RPTOR: variants seen among roughly 807,000 people sequenced by gnomAD.
RPTOR encodes the protein regulatory-associated protein of mTOR.
RPTOR carries 21 observed loss-of-function variants against 169.9 expected under a neutral mutation model. The ratio of observed to expected loss-of-function variants is 0.12; its 90% CI spans 0.09 to 0.18. The LOEUF (loss-of-function observed/expected upper bound fraction) is 0.18, where lower values mean the gene tolerates loss of function less well. Among genes scored for constraint, RPTOR ranks in the 10% least tolerant of loss-of-function variants. RPTOR has a pLI of 1.00. For synonymous variants in RPTOR, 732 were observed against 753.2 expected, an observed-to-expected ratio of 0.97 and a Z score of 0.46; for missense variants, 1,133 against 1,855.9, an observed-to-expected ratio of 0.61 and a Z score of 7.16.
At chr17:80,597,942 C>A (rs1171567567) in intron 1 of RPTOR, among the ~76,000 whole-genome samples, 2 of 152,026 alleles carry the variant, frequency 1.3e-5, no homozygotes, top group Non-Finnish European at 2.9e-5. Context: ...CAGTTCAAGA[C>A]CAGCCTGGGC....
rs372361327 is a variant in RPTOR, at chr17:80,689,149, A to C, written c.349-18692A>C. ...GGAGTATGTCTGTGCAGCATTCTTA[A>C]AGTGACAGGACTACCTTATGAAGTC... On this transcript the variant is annotated intron_variant, in intron 3 of 33. Transcript: ENST00000306801. Among the ~76,000 whole-genome samples, 21 of 152,342 alleles carry C rather than the reference A, an allele frequency of 1.4e-4. No individual in the cohort carries two copies. The East Asian group carries it at 3.9e-3, about 28-fold the overall frequency.
Position 80,896,108 on chromosome 17 carries a change from T to C in RPTOR, c.2401+2243T>C, listed in dbSNP as rs2068395437. Among the ~76,000 whole-genome samples, 5 of 152,308 alleles carry C rather than the reference T, an allele frequency of 3.3e-5. No homozygotes were observed. The South Asian group carries it at 1.0e-3, about 32-fold the overall frequency. On this transcript the variant is annotated intron_variant, in intron 20 of 33. Transcript: ENST00000306801. ...GTCCTAAACATATTCTCCTACATTT[T>C]CTTCCAAGATTTAAAATTTTCCTTT... is the stretch of plus-strand genomic sequence containing the variant.
At chr17:80,672,247 A>C (rs1163149954) in intron 3 of RPTOR, among the ~76,000 whole-genome samples, 1 of 152,166 alleles carries the variant, frequency 6.6e-6, no homozygotes, top group Non-Finnish European at 1.5e-5. Context: ...GTGTAACTCA[A>C]ATTAAAGTTT....
chr17:80,552,842 CATA>C (rs1421025278), intron 1 of RPTOR, among the ~76,000 whole-genome samples: 1 of 152,194 alleles, frequency 6.6e-6, no homozygotes, highest in Non-Finnish European at 1.5e-5. Flanking sequence ...AAAACTGTAT[CATA>C]ATGTCTCCAC....
rs780579901 is a variant in RPTOR at position 80,774,993 on chromosome 17, C to T, written c.831-16457C>T. On this transcript the variant is annotated intron_variant, in intron 6 of 33. Transcript: ENST00000306801. ...GCAGAGTCTCTGCACCTTCCTCCCT[C>T]GGGCTCCTGGGCCTGTGTCTGTCCG... Among the ~76,000 whole-genome samples, 7 of 152,220 alleles carry T rather than the reference C, an allele frequency of 4.6e-5. No individual in the cohort carries two copies. In the South Asian group the frequency reaches 8.3e-4, roughly 18 times the overall value.
At chr17:80,720,198 T>C in intron 4 of RPTOR, among the ~76,000 whole-genome samples, 1 of 152,008 alleles carries the variant, frequency 6.6e-6, no homozygotes, top group East Asian at 1.9e-4. Flanking sequence ...CTCAGGAGGC[T>C]GAGACAGGAG....
chr17:80,739,303 C>G (rs753302853), intron 5 of RPTOR, among the ~76,000 whole-genome samples: 1 of 152,238 alleles, frequency 6.6e-6, no homozygotes, highest in Non-Finnish European at 1.5e-5. Flanking sequence ...TTTCACTGAA[C>G]ACTGAGGTCA....
chr17:80,772,916 A>G (rs7221610), intron 6 of RPTOR, among the ~76,000 whole-genome samples: 41,503 of 152,014 alleles, frequency 0.27, 5,839 homozygotes, highest in African/African-American at 0.33. Context: ...ACAGGGGCAG[A>G]GCCAGGGCTA....
chr17:80,607,467 C>T (rs2143473683), intron 1 of RPTOR, among the ~76,000 whole-genome samples: 1 of 152,098 alleles, frequency 6.6e-6, no homozygotes, highest in South Asian at 2.1e-4. Context: ...TTTCTGTAAC[C>T]TGTCCTGCTT....
chr17:80,677,584 C>G (rs1040741215), intron 3 of RPTOR, among the ~76,000 whole-genome samples: 6 of 152,186 alleles, frequency 3.9e-5, no homozygotes, highest in African/African-American at 1.4e-4. Flanking sequence ...CACCTTCCCT[C>G]TCACCAGACT....
At chr17:80,600,959 C>T (rs373676802) in intron 1 of RPTOR, among the ~76,000 whole-genome samples, 1 of 151,636 alleles carries the variant, frequency 6.6e-6, no homozygotes, top group East Asian at 2.0e-4. Flanking sequence ...AACTGTGAAA[C>T]GCCTCCCATT....
chr17:80,545,842 G>T, intron 1 of RPTOR, 51 bp downstream of exon 1: 1 of 1,465,142 alleles, frequency 6.8e-7, no homozygotes, highest in Non-Finnish European at 9.2e-7. Context: ...CCCCAACAAA[G>T]AAAGTTTACA....
chr17:80,963,190 G>C, intron 33 of RPTOR, 133 bp downstream of exon 33: 1 of 879,278 alleles, frequency 1.1e-6, no homozygotes, highest in Non-Finnish European at 1.8e-6. Context: ...CCTGAGGGAG[G>C]GACTTGCCTG....
intron 21 of RPTOR, chr17:80,909,669 T>TGCTTTTAGG (rs2068588734): frequency 1.3e-5 from 2 of 152,184 alleles, no homozygotes; most frequent in South Asian, 2.1e-4. Context: ...ACACCCAGAC[T>TGCTTTTAGG]TTTCTTCCCT....
intron 6 of RPTOR, chr17:80,774,419 C>A: frequency 2.2e-6 from 2 of 905,108 alleles, no homozygotes; most frequent in Non-Finnish European, 2.6e-6. Context: ...TAACCCAGGA[C>A]TTGTCAAAGC....
rs545949579 is a variant in RPTOR at position 80,782,121 on chromosome 17, C to T, written c.831-9329C>T. 4.4e-4 allele frequency among the ~76,000 whole-genome samples: 67 copies of T among 152,286 alleles called. No homozygotes were observed. The East Asian group carries it at 6.6e-3, about 15-fold the overall frequency. On this transcript the variant is annotated intron_variant, in intron 6 of 33. Transcript: ENST00000306801. ...TGTGTTTCACATAGGGTCAGCTCTT[C>T]GGGGGTTGTCACTGAGTAGTAAGTG...
At chr17:80,928,230 G>A (rs1027101843) in intron 24 of RPTOR, among the ~76,000 whole-genome samples, 2 of 151,900 alleles carry the variant, frequency 1.3e-5, no homozygotes, top group Non-Finnish European at 2.9e-5. Flanking sequence ...GAAGCAGGAC[G>A]TGTTTTCTCT....
At chr17:80,680,842 G>A (rs1051453923) in intron 3 of RPTOR, among the ~76,000 whole-genome samples, 4 of 152,110 alleles carry the variant, frequency 2.6e-5, no homozygotes, top group African/African-American at 7.2e-5. Context: ...AAAATCCCAC[G>A]TCGCACGTAT....
chr17:80,892,853 G>A lies in RPTOR; in HGVS notation c.2226G>A (p.Leu742=), dbSNP rs1035093930. 6.2e-7 allele frequency: 1 copy of A among 1,614,072 alleles called. No individual in the cohort carries two copies. The highest frequency in any genetic ancestry group is 8.5e-7 in the Non-Finnish European group (1 of 1,179,978). Residue 742 remains leucine, a synonymous_variant, in exon 19 of 34, where the codon CTG becomes CTA. Transcript: ENST00000306801. ...ARSLNKSLQN[L]SLTEESGGAV... is the part of the protein sequence containing the mutation. The stretch of plus-strand genomic sequence containing the variant: ...GCCTCAACAAATCTTTGCAGAACCT[G>A]AGTTTGACAGAGGAATGTAAGATCC...
Sources: allele counts gnomAD v4.1 joint callset (sites outside exome capture counted in the v4.1 genomes callset), GRCh38; gene constraint gnomAD v4.1.1; transcripts MANE v1.5; gene names NCBI Gene and HGNC (gene_info 2026-07-23, HGNC 2026-07-21).